The following FCHO2 variants were observed in gnomAD, a reference collection of about 807,000 sequenced individuals.
FCHO2 encodes the protein F-BAR domain only protein 2.
FCHO2 carries 43 observed loss-of-function variants against 114.1 expected under a neutral mutation model. The ratio of observed to expected loss-of-function variants is 0.38; its 90% CI spans 0.30 to 0.49. The LOEUF (loss-of-function observed/expected upper bound fraction) is 0.49. Ranked by LOEUF, FCHO2 falls within the 20% of genes least tolerant of loss-of-function variation. FCHO2 has a pLI of 0.97. For synonymous variants in FCHO2, 293 were observed against 315.2 expected, an observed-to-expected ratio of 0.93 and a Z score of 0.75; for missense variants, 807 against 950.4, an observed-to-expected ratio of 0.85 and a Z score of 1.98.
At chr5:73,032,109 G>A (rs1298099293) in intron 8 of FCHO2, among the ~76,000 whole-genome samples, 1 of 152,228 alleles carries the variant, frequency 6.6e-6, no homozygotes, top group Non-Finnish European at 1.5e-5. Context: ...GTCAGAATGT[G>A]CATTGATATC....
At chr5:73,045,402 A>T (rs1215142972) in intron 11 of FCHO2, among the ~76,000 whole-genome samples, 1 of 152,190 alleles carries the variant, frequency 6.6e-6, no homozygotes, top group Non-Finnish European at 1.5e-5. Context: ...AGTTCTTTGG[A>T]GATGTATCCA....
At chr5:73,008,583 T>C (rs186794990) in intron 6 of FCHO2, among the ~76,000 whole-genome samples, 3 of 152,196 alleles carry the variant, frequency 2.0e-5, no homozygotes, top group African/African-American at 7.2e-5. Context: ...ACATAATTGG[T>C]GACATCAGGA....
At chr5:73,061,632 G>A (rs887045128) in intron 17 of FCHO2, among the ~76,000 whole-genome samples, 3 of 152,004 alleles carry the variant, frequency 2.0e-5, no homozygotes, top group Non-Finnish European at 4.4e-5. Flanking sequence ...TTATTCTGCT[G>A]TAACAGCACC....
At chr5:73,025,567 T>A (rs1309181706) in intron 8 of FCHO2, among the ~76,000 whole-genome samples, 1 of 151,970 alleles carries the variant, frequency 6.6e-6, no homozygotes, top group African/African-American at 2.4e-5. Context: ...TTAGTAGAGA[T>A]GGGATTTCAC....
intron 5 of FCHO2, chr5:72,996,995 CT>C: frequency 1.3e-6 from 2 of 1,597,622 alleles, no homozygotes. Flanking sequence ...CTTCTCCGCC[CT>C]TTTGCGGTGG....
chr5:73,080,298 TAAGAAGGTTA>T (rs1743049642), intron 22 of FCHO2, among the ~76,000 whole-genome samples: 1 of 152,242 alleles, frequency 6.6e-6, no homozygotes, highest in African/African-American at 2.4e-5. Context: ...TATCCAGTAT[TAAGAAGGTTA>T]TGATCACTTG....
At chr5:72,997,377 A>G in intron 5 of FCHO2, 1 of 1,592,584 alleles carries the variant, frequency 6.3e-7, no homozygotes, top group Non-Finnish European at 8.6e-7. Context: ...AAGACGAGAT[A>G]CTACGGACAG....
intron 24 of FCHO2, among the ~76,000 whole-genome samples, chr5:73,085,492 A>C (rs1195707730): frequency 2.0e-5 from 3 of 152,020 alleles, no homozygotes; most frequent in Non-Finnish European, 4.4e-5. Context: ...AGAATATCCA[A>C]GGCCAGGCAT....
At chr5:73,074,254 T>TA (rs1458644830) in intron 19 of FCHO2, among the ~76,000 whole-genome samples, 3 of 151,734 alleles carry the variant, frequency 2.0e-5, no homozygotes. Flanking sequence ...AATGTGGGAA[T>TA]ACAATACAAG....
At chr5:73,056,307 C>G (rs1757590873) in intron 16 of FCHO2, among the ~76,000 whole-genome samples, 200 bp downstream of exon 16, 1 of 152,272 alleles carries the variant, frequency 6.6e-6, no homozygotes, top group South Asian at 2.1e-4. Context: ...ATTGACACAT[C>G]ATAATCACCT....
Position 72,965,849 on chromosome 5 carries a change from G to A in FCHO2, c.34-2649G>A, listed in dbSNP as rs1317263201. Among the ~76,000 whole-genome samples the A allele has an allele frequency of 5.9e-5, 9 of 152,254 alleles. No individual in the cohort carries two copies. In the East Asian group the frequency reaches 1.5e-3, roughly 26 times the overall value. On this transcript the variant is annotated intron_variant, in intron 1 of 25. Coordinates refer to ENST00000430046, the MANE Select transcript of FCHO2 (RefSeq NM_138782.3). ...ATAAGAGCTAAATTAAAAGGAAAATGTAGACAGGGTGGGAAGTTATAGTAT... is the reference window on the plus strand; with the variant it reads ...ATAAGAGCTAAATTAAAAGGAAAATATAGACAGGGTGGGAAGTTATAGTAT...
chr5:73,066,456 C>G (rs1325093650), intron 18 of FCHO2, among the ~76,000 whole-genome samples: 1 of 151,456 alleles, frequency 6.6e-6, no homozygotes, highest in East Asian at 1.9e-4. Context: ...TTTAAAAGTG[C>G]AATTTATGAA....
chr5:73,062,607 G>T (rs1444575350), intron 17 of FCHO2, among the ~76,000 whole-genome samples: 2 of 152,042 alleles, frequency 1.3e-5, no homozygotes, highest in African/African-American at 4.8e-5. Flanking sequence ...AGTGGCCTCA[G>T]AATCTAAGCT....
intron 8 of FCHO2, among the ~76,000 whole-genome samples, chr5:73,028,056 G>T (rs1007674525): frequency 6.6e-6 from 1 of 152,018 alleles, no homozygotes; most frequent in Non-Finnish European, 1.5e-5. Flanking sequence ...AAAATTAGGC[G>T]TGGTGTTGTG....
intron 19 of FCHO2, among the ~76,000 whole-genome samples, chr5:73,073,629 G>A (rs1742767748): frequency 6.6e-6 from 1 of 152,044 alleles, no homozygotes; most frequent in African/African-American, 2.4e-5. Flanking sequence ...AGCTAACAGA[G>A]TATCTTTTTT....
chr5:73,017,955 C>T (rs1755394114), intron 8 of FCHO2, among the ~76,000 whole-genome samples: 1 of 151,952 alleles, frequency 6.6e-6, no homozygotes, highest in Non-Finnish European at 1.5e-5. Context: ...TAATAAGTAC[C>T]CCATTCCCTT....
At chr5:72,999,937 GCA>G (rs1305472619) in intron 5 of FCHO2, among the ~76,000 whole-genome samples, 3 of 152,182 alleles carry the variant, frequency 2.0e-5, no homozygotes, top group African/African-American at 4.8e-5. Flanking sequence ...TACTTGTAAA[GCA>G]CAGTTTCCTC....
intron 20 of FCHO2, 90 bp from the exon 21 acceptor site, chr5:73,077,248 G>A (rs1325690222): frequency 6.3e-6 from 7 of 1,110,092 alleles, no homozygotes; most frequent in South Asian, 1.7e-5. Context: ...GTGTGTGTGC[G>A]CACGTGCACG....
chr5:72,999,410 T>C (rs920086054), intron 5 of FCHO2, among the ~76,000 whole-genome samples: 1 of 143,268 alleles, frequency 7.0e-6, no homozygotes, highest in Admixed American at 7.2e-5. Flanking sequence ...TAAGATGGAG[T>C]CTCGCTCTGT....
Sources: allele counts gnomAD v4.1 joint callset (sites outside exome capture counted in the v4.1 genomes callset), GRCh38; gene constraint gnomAD v4.1.1; transcripts MANE v1.5; gene names NCBI Gene and HGNC (gene_info 2026-07-23, HGNC 2026-07-21).